IFT81: variants seen among roughly 807,000 people sequenced by gnomAD.
IFT81 encodes the protein intraflagellar transport 81, also known as intraflagellar transport protein 81 homolog.
A neutral mutation model predicts 102.6 loss-of-function variants in IFT81; 72 were observed. The observed-to-expected ratio is 0.70, with a 90% CI of 0.58 to 0.85. The LOEUF is 0.85. Ranked by LOEUF, IFT81 falls within the 40% of genes least tolerant of loss-of-function variation. The probability of loss-of-function intolerance (pLI) is 0.00; values close to 1 mark genes in which losing one functional copy is unlikely to be tolerated. For synonymous variants in IFT81, 237 were observed against 242.7 expected (o/e 0.98, Z 0.22); for missense variants, 723 against 787.3 (o/e 0.92, Z 0.98).
chr12:110,160,742 C>T (rs1896086953), intron 10 of IFT81, among the ~76,000 whole-genome samples: 1 of 152,184 alleles, frequency 6.6e-6, no homozygotes, highest in Admixed American at 6.5e-5. Flanking sequence ...TTTTATAAAT[C>T]AGGGCTTTTC....
Position 110,127,427 on chromosome 12 carries a change from C to A in IFT81, c.47C>A (p.Pro16His). Reference protein sequence around the residue: ...KFIMDSLNKEPFRKNYNLITF... With the variant: ...KFIMDSLNKEHFRKNYNLITF... Reference sequence around the variant, plus strand: ...ATTATGGACAGTCTCAATAAGGAGCCCTTTAGGAAGAACTATAATTTAATC... The same window carrying A: ...ATTATGGACAGTCTCAATAAGGAGCACTTTAGGAAGAACTATAATTTAATC... Residue 16 changes from proline to histidine, a missense_variant, in exon 2 of 19, where the codon CCC (proline) becomes CAC (histidine). Transcript: ENST00000242591. 2 of 1,605,822 alleles carry A rather than the reference C, an allele frequency of 1.2e-6. No homozygotes were observed. Among genetic ancestry groups the A allele is most frequent in the Non-Finnish European group, 1.7e-6 (2 of 1,176,404 alleles).
At chr12:110,187,993 C>T (rs2137537776) in intron 12 of IFT81, among the ~76,000 whole-genome samples, 1 of 152,252 alleles carries the variant, frequency 6.6e-6, no homozygotes, top group East Asian at 1.9e-4. Flanking sequence ...ACCTTTATCT[C>T]CCTAGTACTG....
At chr12:110,174,296 A>AT (rs1463779341) in intron 11 of IFT81, among the ~76,000 whole-genome samples, 1 of 148,710 alleles carries the variant, frequency 6.7e-6, no homozygotes, top group Non-Finnish European at 1.5e-5. Flanking sequence ...AAAAAAAAAA[A>AT]AAAAAAAAAA....
At chr12:110,196,991 G>A (rs1898028934) in intron 14 of IFT81, among the ~76,000 whole-genome samples, 1 of 152,012 alleles carries the variant, frequency 6.6e-6, no homozygotes, top group Non-Finnish European at 1.5e-5. Context: ...TTGAGCCCAG[G>A]ATTTCAATAC....
intron 8 of IFT81, among the ~76,000 whole-genome samples, chr12:110,141,433 T>C (rs2137349561): frequency 6.6e-6 from 1 of 152,338 alleles, no homozygotes; most frequent in Non-Finnish European, 1.5e-5. Context: ...ACTTAGAATT[T>C]GCAGTTAATA....
chr12:110,171,896 T>G (rs1312182009), intron 11 of IFT81: 1 of 152,210 alleles, frequency 6.6e-6, no homozygotes, highest in Non-Finnish European at 1.5e-5. Flanking sequence ...AAACAGTTGG[T>G]TCTATCTCAT....
rs1870427334 is a variant in IFT81 at position 110,218,493 on chromosome 12, TA to T, written c.*270del. The T allele has an allele frequency of 1.5e-5, 4 of 273,654 alleles. No individual in the cohort carries two copies. Among genetic ancestry groups the T allele is most frequent in the Non-Finnish European group, 2.7e-5 (4 of 148,494 alleles). 17.0% of individuals were successfully genotyped at this position (273,654 alleles called of 1,614,324 possible). On this transcript the variant is annotated 3_prime_UTR_variant, in exon 19 of 19. Coordinates refer to ENST00000242591, the MANE Select transcript of IFT81 (RefSeq NM_014055.4). Reference sequence around the variant, plus strand: ...GACAGGAAACTAAGTTTACTATCTGTAAATGTAAACATATGTCCATTAAGAA... The same window carrying T: ...GACAGGAAACTAAGTTTACTATCTGTAATGTAAACATATGTCCATTAAGAA...
At chr12:110,194,961 CT>C (rs562315457) in intron 14 of IFT81, among the ~76,000 whole-genome samples, 47 of 152,202 alleles carry the variant, frequency 3.1e-4, no homozygotes, top group African/African-American at 1.1e-3. Flanking sequence ...GGTTGCTGTA[CT>C]TTTTTTGTCC....
chr12:110,197,595 C>T (rs1898072211), intron 14 of IFT81, among the ~76,000 whole-genome samples: 1 of 137,100 alleles, frequency 7.3e-6, no homozygotes, highest in Non-Finnish European at 1.5e-5. Context: ...CCTCACTTAA[C>T]AAAGTCTAAA....
intron 10 of IFT81, among the ~76,000 whole-genome samples, chr12:110,156,512 T>C (rs1895847098): frequency 6.6e-6 from 1 of 152,110 alleles, no homozygotes; most frequent in Non-Finnish European, 1.5e-5. Flanking sequence ...TTTTTTTTTT[T>C]TGGAGATGGA....
intron 11 of IFT81, among the ~76,000 whole-genome samples, chr12:110,169,930 TG>T (rs753576791): frequency 7.2e-5 from 11 of 152,010 alleles, no homozygotes; most frequent in Non-Finnish European, 1.5e-4. Context: ...TATTTTGGGT[TG>T]GGTTTTTTAA....
rs1380935957 is a variant in IFT81 at position 110,190,982 on chromosome 12, A to G, written c.1401A>G (p.Arg467=). Residue 467 remains arginine (R), a synonymous_variant, in exon 13 of 19, where the codon AGA becomes AGG. Transcript: ENST00000242591. ...GTTACACCCAAGAAGAGCTAGAAAG[A>G]GTATCTGCACTGAAGAGTGAAGTTG... The part of the protein sequence containing the change: ...GYSYTQEELE[R]VSALKSEVDE... The G allele has an allele frequency of 1.2e-6, 2 of 1,609,910 alleles. No individual in the cohort carries two copies. The highest frequency in any genetic ancestry group is 1.1e-5 in the South Asian group (1 of 90,300).
intron 13 of IFT81, 119 bp downstream of exon 13, chr12:110,191,167 TC>T: frequency 3.7e-6 from 3 of 810,664 alleles, no homozygotes; most frequent in Non-Finnish European, 3.6e-6. Context: ...CATTCTTTCA[TC>T]TTTTTTTTTT....
At chr12:110,128,250 A>G in intron 3 of IFT81, 101 bp downstream of exon 3, 1 of 712,290 alleles carries the variant, frequency 1.4e-6, no homozygotes, top group Non-Finnish European at 2.5e-6. Flanking sequence ...GGTTTCCCTC[A>G]TTTGATGGCC....
chr12:110,166,580 G>A (rs1223246302), intron 11 of IFT81, among the ~76,000 whole-genome samples: 1 of 151,906 alleles, frequency 6.6e-6, no homozygotes, highest in Non-Finnish European at 1.5e-5. Flanking sequence ...AGCCTCTGAA[G>A]TAAATATTAC....
chr12:110,145,880 G>A (rs1266256646), intron 9 of IFT81, among the ~76,000 whole-genome samples: 4 of 151,762 alleles, frequency 2.6e-5, no homozygotes, highest in East Asian at 1.9e-4. Flanking sequence ...GTGCGATCTC[G>A]GCTCACTGCA....
intron 12 of IFT81, among the ~76,000 whole-genome samples, chr12:110,183,056 G>T (rs1897375082): frequency 6.6e-6 from 1 of 152,146 alleles, no homozygotes; most frequent in Admixed American, 6.6e-5. Flanking sequence ...ATTCTGTCAG[G>T]CCATCAGCTT....
intron 17 of IFT81, among the ~76,000 whole-genome samples, chr12:110,207,351 C>T (rs544900169): frequency 5.3e-5 from 8 of 152,166 alleles, no homozygotes; most frequent in South Asian, 2.1e-4. Flanking sequence ...TGAGCCACCA[C>T]GCCCTACTGA....
chr12:110,201,219 A>G (rs1193463550), intron 14 of IFT81, among the ~76,000 whole-genome samples: 4 of 151,982 alleles, frequency 2.6e-5, no homozygotes, highest in Non-Finnish European at 5.9e-5. Flanking sequence ...CCTGGCCAAC[A>G]TGGTGAAACC....
Sources: allele counts gnomAD v4.1 joint callset (sites outside exome capture counted in the v4.1 genomes callset), GRCh38; gene constraint gnomAD v4.1.1; transcripts MANE v1.5; gene names NCBI Gene and HGNC (gene_info 2026-07-23, HGNC 2026-07-21).